The following FAM117A variants were observed in gnomAD, a reference collection of about 807,000 sequenced individuals.
FAM117A encodes the protein family with sequence similarity 117 member A.
FAM117A carries 21 observed loss-of-function variants against 44.1 expected under a neutral mutation model. The observed-to-expected ratio is 0.48, with a 90% CI of 0.34 to 0.69. The LOEUF is 0.69. Among genes scored for constraint, FAM117A ranks in the 30% least tolerant of loss-of-function variants. The pLI is 0.01. For synonymous variants in FAM117A, 220 were observed against 238.3 expected, an observed-to-expected ratio of 0.92 and a Z score of 0.71; for missense variants, 498 against 589.9, an observed-to-expected ratio of 0.84 and a Z score of 1.61.
chr17:49,768,265 C>G (rs1039366402), upstream of FAM117A, among the ~76,000 whole-genome samples: 2 of 152,178 alleles, frequency 1.3e-5, no homozygotes, highest in Non-Finnish European at 2.9e-5. Context: ...GAACTTTCCA[C>G]TCCTGAAGGA....
At chr17:49,769,415 T>C (rs992335926) in intron 1 of FAM117A, among the ~76,000 whole-genome samples, 2 of 152,138 alleles carry the variant, frequency 1.3e-5, no homozygotes, top group Non-Finnish European at 2.9e-5. Flanking sequence ...AACTTTAGAA[T>C]AGGCCGGGCG....
chr17:49,761,012 T>C (rs951205295), intron 1 of FAM117A, among the ~76,000 whole-genome samples: 1 of 152,240 alleles, frequency 6.6e-6, no homozygotes, highest in Admixed American at 6.5e-5. Flanking sequence ...ACATACCTTA[T>C]GATGAATGGT....
chr17:49,788,524 C>A (rs1306676209), exon 1 of FAM117A: 4 of 358,560 alleles, frequency 1.1e-5, no homozygotes, highest in Non-Finnish European at 2.0e-5. Context: ...GCTCCGGGTT[C>A]CACCACTGGA....
chr17:49,755,281 C>T (rs1159368388), intron 1 of FAM117A, among the ~76,000 whole-genome samples: 2 of 152,116 alleles, frequency 1.3e-5, no homozygotes, highest in African/African-American at 4.8e-5. Flanking sequence ...CCTGATCACA[C>T]CTCTGAAGCC....
At chr17:49,782,923 AC>A (rs1428436448) in intron 1 of FAM117A, among the ~76,000 whole-genome samples, 1 of 152,204 alleles carries the variant, frequency 6.6e-6, no homozygotes, top group Non-Finnish European at 1.5e-5. Context: ...AATGCCTAGC[AC>A]CTATCAGGTG....
In FAM117A at chr17:49,732,541, G is replaced by T. The variant is rs372734158; in HGVS notation, c.366+10C>A. On this transcript the variant is annotated intron_variant, in intron 2 of 7. Coordinates refer to ENST00000240364, the MANE Select transcript of FAM117A (RefSeq NM_030802.4). ...TTATCCCTTATCCCATCAGGAGAGA[G>T]CTTCATTACCTGGGTGGCCTTGTCA... 6.2e-7 allele frequency: 1 copy of T among 1,613,906 alleles called. No individual in the cohort carries two copies. The highest frequency in any genetic ancestry group is 2.2e-5 in the East Asian group (1 of 44,892).
intron 1 of FAM117A, among the ~76,000 whole-genome samples, chr17:49,734,319 G>A (rs1280008114): frequency 2.6e-5 from 4 of 151,916 alleles, no homozygotes; most frequent in Non-Finnish European, 4.4e-5. Context: ...AGGGCCGGGC[G>A]CAGTGGCTCA....
chr17:49,730,711 A>G (rs1262690431), intron 2 of FAM117A, among the ~76,000 whole-genome samples: 2 of 152,232 alleles, frequency 1.3e-5, no homozygotes, highest in African/African-American at 4.8e-5. Flanking sequence ...AGGAGGAAGC[A>G]TAATTTATCC....
At chr17:49,788,647 T>C (rs2073837887), upstream of FAM117A, 2 of 527,742 alleles carry the variant, frequency 3.8e-6, no homozygotes, top group Non-Finnish European at 6.6e-6. Flanking sequence ...CAGCCGGAAG[T>C]GAAGGAAAAA....
At chr17:49,772,253 C>G (rs1468652591) in intron 1 of FAM117A, among the ~76,000 whole-genome samples, 1 of 151,436 alleles carries the variant, frequency 6.6e-6, no homozygotes, top group African/African-American at 2.4e-5. Flanking sequence ...TTTTGTGTCA[C>G]TACATTCTAG....
At chr17:49,777,869 G>A (rs530851431) in intron 1 of FAM117A, among the ~76,000 whole-genome samples, 1 of 152,294 alleles carries the variant, frequency 6.6e-6, no homozygotes, top group South Asian at 2.1e-4. Context: ...GGGAAACAGA[G>A]TAGAATATGC....
chr17:49,782,439 G>A (rs1410600946), intron 1 of FAM117A, among the ~76,000 whole-genome samples: 4 of 140,326 alleles, frequency 2.9e-5, no homozygotes, highest in South Asian at 2.3e-4. Context: ...CCTGTAATCC[G>A]AGCATTTTGG....
intron 1 of FAM117A, among the ~76,000 whole-genome samples, chr17:49,737,060 T>A (rs555704223): frequency 1.8e-4 from 28 of 152,346 alleles, no homozygotes; most frequent in Non-Finnish European, 2.9e-4. Context: ...TGCATGTGTG[T>A]TCAACACACC....
chr17:49,730,404 C>T (rs1385847639), intron 2 of FAM117A, among the ~76,000 whole-genome samples: 1 of 152,228 alleles, frequency 6.6e-6, no homozygotes, highest in Non-Finnish European at 1.5e-5. Context: ...AGGGCCCATG[C>T]CTCTAAACTC....
At chr17:49,772,790 A>G (rs2073764960) in intron 1 of FAM117A, among the ~76,000 whole-genome samples, 1 of 152,108 alleles carries the variant, frequency 6.6e-6, no homozygotes, top group African/African-American at 2.4e-5. Context: ...AATATAACAG[A>G]AGAGATGAGT....
At chr17:49,757,175 G>A (rs1342944279) in intron 1 of FAM117A, among the ~76,000 whole-genome samples, 1 of 151,714 alleles carries the variant, frequency 6.6e-6, no homozygotes, top group Non-Finnish European at 1.5e-5. Context: ...CTGAGCTAAA[G>A]GCACTCCATC....
chr17:49,726,806 T>G (rs1598022777), intron 2 of FAM117A, among the ~76,000 whole-genome samples: 3 of 151,544 alleles, frequency 2.0e-5, no homozygotes, highest in African/African-American at 7.3e-5. Context: ...CGAGACCCTA[T>G]CTCTATAAAA....
chr17:49,766,740 G>C (rs1380368297), upstream of FAM117A, among the ~76,000 whole-genome samples: 1 of 152,204 alleles, frequency 6.6e-6, no homozygotes, highest in African/African-American at 2.4e-5. Context: ...TGAGAATCTT[G>C]AAACACTTTG....
At chr17:49,777,194 G>C (rs544315298) in intron 1 of FAM117A, among the ~76,000 whole-genome samples, 11 of 152,246 alleles carry the variant, frequency 7.2e-5, no homozygotes, top group African/African-American at 2.4e-4. Context: ...GCCTGGCAGG[G>C]AGCCTCAGGG....
Sources: gnomAD v4.1 joint callset for allele counts (sites outside exome capture counted in the v4.1 genomes callset) on GRCh38, gnomAD v4.1.1 for gene constraint, MANE v1.5 for transcripts, NCBI Gene and HGNC (gene_info 2026-07-23, HGNC 2026-07-21) for gene names.